IDUA: variants seen among roughly 807,000 people sequenced by gnomAD.
IDUA encodes alpha-L-iduronidase.
Under a neutral mutation model 68.9 loss-of-function variants are expected in IDUA, and 65 were observed. The observed-to-expected ratio is 0.94, with a 90% confidence interval of 0.77 to 1.16. The LOEUF (loss-of-function observed/expected upper bound fraction) is 1.16, where lower values mean the gene tolerates loss of function less well. Ranked by LOEUF, IDUA falls within the 50% of genes most tolerant of loss-of-function variation. IDUA has a pLI of 0.00. For synonymous variants in IDUA, 529 were observed against 433.6 expected (o/e 1.22, Z -2.73); for missense variants, 1,046 against 938.0 (o/e 1.12, Z -1.50).
Position 997,921 on chromosome 4 carries a change from G to C in IDUA, c.300-2691G>C, listed in dbSNP as rs542718206. ...CTGATGCTGGGGCTCCCCCCGCTAG[G>C]GTCAGGGGCTGCCGGGCTATCGCCT... On this transcript the variant is annotated intron_variant, in intron 2 of 13. Coordinates refer to ENST00000514224, the MANE Select transcript of IDUA (RefSeq NM_000203.5). 6.6e-5 allele frequency among the ~76,000 whole-genome samples: 10 copies of C among 152,320 alleles called. No homozygotes were observed. The South Asian group carries it at 1.7e-3, about 25-fold the overall frequency.
At chr4:997,664 C>A (rs1330154939) in intron 2 of IDUA, among the ~76,000 whole-genome samples, 1 of 152,196 alleles carries the variant, frequency 6.6e-6, no homozygotes, top group African/African-American at 2.4e-5. Context: ...GTCTCCGGCC[C>A]TGGGGGTGGG....
chr4:998,888 C>T (rs1056882188), intron 2 of IDUA, among the ~76,000 whole-genome samples: 13 of 151,866 alleles, frequency 8.6e-5, no homozygotes, highest in Non-Finnish European at 1.9e-4. Context: ...TGGGCAACCC[C>T]CATGGCCCCC....
chr4:1,004,202 C>A lies in IDUA; in HGVS notation c.1829-58C>A. ...GTGGGGGCCTCGAGAAGCCTGGGGTCAGGGGGCTTTCGGGTGGGGGCAGGT... is the reference window on the plus strand; with the variant it reads ...GTGGGGGCCTCGAGAAGCCTGGGGTAAGGGGGCTTTCGGGTGGGGGCAGGT... On this transcript the variant is annotated intron_variant, in intron 13 of 13. Transcript: ENST00000514224. This position sits in a 1 kb window ranked among gnomAD's most constrained non-coding sequence, Gnocchi z 5.0. 1 of 1,610,970 alleles carries A rather than the reference C, an allele frequency of 6.2e-7. No homozygotes were observed. Among genetic ancestry groups the A allele is most frequent in the South Asian group, 1.1e-5 (1 of 91,062 alleles).
Position 1,002,850 on chromosome 4 carries a change from C to T in IDUA, c.1308C>T (p.Ala436=). Residue 436 remains alanine, a synonymous_variant, in exon 9 of 14, where the codon GCC becomes GCT. Transcript: ENST00000514224. ...RPQGPADAWR[A]AVLIYASDDT... is the part of the protein sequence containing the mutation. ...AGGGCCCGGCCGACGCCTGGCGCGC[C>T]GCGGTGCTGATCTACGCGAGCGACG... The T allele has an allele frequency of 2.8e-6, 4 of 1,454,212 alleles. No homozygotes were observed. The highest frequency in any genetic ancestry group is 2.7e-5 in the South Asian group (2 of 74,412). The allele number at this position is 1,454,212 out of a possible 1,614,324, so 90.1% of individuals were successfully genotyped here.
intron 2 of IDUA, 102 bp from the exon 3 acceptor site, chr4:1,000,510 C>A: frequency 1.1e-6 from 1 of 923,862 alleles, no homozygotes; most frequent in Non-Finnish European, 1.8e-6. Flanking sequence ...TCCTGTGTGG[C>A]ACCTTGCAGG....
chr4:987,421 G>C (rs373309217), intron 1 of IDUA, among the ~76,000 whole-genome samples, 179 bp downstream of exon 1: 3 of 152,112 alleles, frequency 2.0e-5, no homozygotes, highest in African/African-American at 7.2e-5. Flanking sequence ...GCGCCGGGGC[G>C]TGAGCCTGGG....
chr4:1,000,561 C>A, intron 2 of IDUA, 51 bp from the exon 3 acceptor site: 1 of 1,397,228 alleles, frequency 7.2e-7, no homozygotes, highest in Non-Finnish European at 1.0e-6. Flanking sequence ...CAGCCTGGAG[C>A]ATGGAGCTGT....
intron 2 of IDUA, among the ~76,000 whole-genome samples, chr4:995,938 C>T (rs1052416307): frequency 4.6e-5 from 7 of 152,026 alleles, no homozygotes; most frequent in African/African-American, 1.2e-4. Flanking sequence ...TCCAGGGTCT[C>T]GTACCCCAGA....
chr4:990,116 G>T, intron 2 of IDUA: 1 of 1,583,274 alleles, frequency 6.3e-7, no homozygotes. Context: ...TTCGCGGCTA[G>T]CAGCACCGCC....
intron 2 of IDUA, among the ~76,000 whole-genome samples, chr4:999,252 C>G (rs1439373722): frequency 6.6e-6 from 1 of 152,054 alleles, no homozygotes; most frequent in Non-Finnish European, 1.5e-5. Context: ...CTGCTCAGCT[C>G]AGAACCTTGA....
Position 1,004,414 on chromosome 4 carries a change from G to A in IDUA, c.*21G>A, listed in dbSNP as rs769510661. 1.9e-6 allele frequency: 3 copies of A among 1,608,688 alleles called. No homozygotes were observed. In the South Asian group the frequency reaches 3.3e-5, roughly 18 times the overall value. On this transcript the variant is annotated 3_prime_UTR_variant, in exon 14 of 14. Coordinates refer to ENST00000514224, the MANE Select transcript of IDUA (RefSeq NM_000203.5). The surrounding 1 kb of genome is among the most constrained non-coding windows in gnomAD (Gnocchi z 5.0). ...CATGAGCCTGTGCTGAGCCCCAGTG[G>A]GTTGCACCTCCACCGGCAGTCAGCG...
chr4:1,001,717 C>G lies in IDUA; in HGVS notation c.628C>G (p.Arg210Gly), dbSNP rs992408218. The G allele has an allele frequency of 1.9e-6, 3 of 1,598,886 alleles. No individual in the cohort carries two copies. The highest frequency in any genetic ancestry group is 1.7e-5 in the Admixed American group (1 of 59,656). ...CTACGATGCCTGCTCGGAGGGTCTG[C>G]GCGCCGCCAGCCCCGCCCTGCGGCT... ...NYYDACSEGL[R>G]AASPALRLGG... The change falls in exon 6 of 14, where the codon CGC becomes GGC. Residue 210 changes from arginine to glycine, a missense_variant. Coordinates refer to ENST00000514224, the MANE Select transcript of IDUA (RefSeq NM_000203.5).
In IDUA at chr4:1,004,112, G is replaced by A; in HGVS notation, c.1828G>A (p.Asp610Asn). Residue 610 changes from aspartate (D) to asparagine (N), a missense_variant and splice_region_variant, in exon 13 of 14, where the codon GAC becomes AAC. Transcript: ENST00000514224. The surrounding 1 kb of genome is among the most constrained non-coding windows in gnomAD (Gnocchi z 5.0). ...STFNLFVFSP[D>N]TGAVSGSYRV... ...CTTCAACCTCTTTGTGTTCAGCCCA[G>A]GTGCGCCCACCACCCGCTGCCCTGG... is the stretch of plus-strand genomic sequence containing the variant. 6.2e-7 allele frequency: 1 copy of A among 1,612,958 alleles called. No homozygotes were observed.
Position 988,938 on chromosome 4 carries a change from G to A in IDUA, c.299+989G>A, listed in dbSNP as rs149750834. On this transcript the variant is annotated intron_variant, in intron 2 of 13. Transcript: ENST00000514224. The stretch of plus-strand genomic sequence containing the variant: ...GCTGCTCCTCCTCAGCCGTGTCCCC[G>A]GGGCCCTCCCCGAGGAAGCCTCCTC... The A allele has an allele frequency of 3.3e-5, 53 of 1,599,152 alleles. No individual in the cohort carries two copies. The African/African-American group carries it at 3.9e-4, about 12-fold the overall frequency.
Position 987,179 on chromosome 4 carries a change from T to A in IDUA, c.95T>A (p.Val32Glu). ...GCCCCGGCCGAGGCCCCGCACCTGG[T>A]GCATGTGGACGCGGCCCGCGCGCTG... is the stretch of plus-strand genomic sequence containing the variant. ...PVAPAEAPHLVHVDAARALWP... is the reference protein window; with the variant it reads ...PVAPAEAPHLEHVDAARALWP... Residue 32 changes from valine to glutamate, a missense_variant, in exon 1 of 14, where the codon GTG becomes GAG. By Grantham distance (121) the Val-to-Glu change is moderately radical. Transcript: ENST00000514224. 6.8e-7 allele frequency: 1 copy of A among 1,469,946 alleles called. No homozygotes were observed. Among genetic ancestry groups the A allele is most frequent in the Non-Finnish European group, 9.0e-7 (1 of 1,116,926 alleles). 91.1% of individuals were successfully genotyped at this position (1,469,946 alleles called of 1,614,324 possible).
At position 1,002,933 on chromosome 4, in the gene IDUA, C is replaced by T. The variant is rs989669026; in HGVS notation, c.1391C>T (p.Pro464Leu). 1.5e-5 allele frequency: 20 copies of T among 1,360,998 alleles called. No individual in the cohort carries two copies. The highest frequency in any genetic ancestry group is 1.8e-5 in the Non-Finnish European group (19 of 1,065,092). 84.3% of individuals were successfully genotyped at this position (1,360,998 alleles called of 1,614,324 possible). A position where few individuals can be genotyped will look rare whatever the true frequency, so the allele number is the denominator to read the frequency against. Reference sequence around the variant, plus strand: ...GTGACCCTGCGGCTGCGCGGGGTGCCCCCCGGCCCGGGTAAGCCGGGGTTC... The same window carrying T: ...GTGACCCTGCGGCTGCGCGGGGTGCTCCCCGGCCCGGGTAAGCCGGGGTTC... ...VAVTLRLRGV[P>L]PGPGLVYVTR... Residue 464 changes from proline (P) to leucine (L), a missense_variant, in exon 9 of 14, where the codon CCC becomes CTC. Coordinates refer to ENST00000514224, the MANE Select transcript of IDUA (RefSeq NM_000203.5).
At chr4:994,048 G>A (rs1003722654) in intron 2 of IDUA, among the ~76,000 whole-genome samples, 5 of 152,206 alleles carry the variant, frequency 3.3e-5, no homozygotes, top group African/African-American at 9.6e-5. Flanking sequence ...GACCAGGACC[G>A]GCAGTGCCTG....
At position 988,127 on chromosome 4, in the gene IDUA, C is replaced by A. The variant is rs1713892833; in HGVS notation, c.299+178C>A. On this transcript the variant is annotated intron_variant, in intron 2 of 13. Coordinates refer to ENST00000514224, the MANE Select transcript of IDUA (RefSeq NM_000203.5). ...GGTGAGGGCTGTGTGCTGGAGGGAG[C>A]CCCTGCATGGGGCACGGTGGGCTTC... is the stretch of plus-strand genomic sequence containing the variant. 27 of 1,413,364 alleles carry A rather than the reference C, an allele frequency of 1.9e-5. No individual in the cohort carries two copies. The East Asian group carries it at 7.0e-4, about 37-fold the overall frequency. The allele number at this position is 1,413,364 out of a possible 1,614,324, so 87.6% of individuals were successfully genotyped here.
intron 2 of IDUA, among the ~76,000 whole-genome samples, chr4:994,158 AGC>A (rs1314272324): frequency 1.3e-5 from 2 of 152,236 alleles, no homozygotes; most frequent in African/African-American, 2.4e-5. Context: ...AGGAATTATT[AGC>A]CAGGCACGAT....
Sources: allele counts gnomAD v4.1 joint callset (sites outside exome capture counted in the v4.1 genomes callset), GRCh38; gene constraint gnomAD v4.1.1; non-coding constraint Gnocchi (gnomAD v3.1); transcripts MANE v1.5; gene names NCBI Gene and HGNC (gene_info 2026-07-23, HGNC 2026-07-21).